Variants in HMGB1 observed in about 807,000 individuals in gnomAD.
The protein encoded by HMGB1 is high mobility group box 1.
For synonymous variants in HMGB1, 81 were observed against 84.0 expected (o/e 0.96, Z 0.19); for missense variants, 79 against 253.5 (o/e 0.31, Z 4.67).
At chr13:30,521,177 T>C (rs1160322821) in intron 1 of HMGB1, among the ~76,000 whole-genome samples, 2 of 152,216 alleles carry the variant, frequency 1.3e-5, no homozygotes, top group African/African-American at 4.8e-5. Flanking sequence ...CCAGTATTAT[T>C]ATCAATGGCC....
At chr13:30,558,257 C>G (rs1869776003) in intron 1 of HMGB1, among the ~76,000 whole-genome samples, 1 of 152,122 alleles carries the variant, frequency 6.6e-6, no homozygotes. Flanking sequence ...CTGATTTCAT[C>G]TTTCAATGGA....
rs1870890391 is a variant in HMGB1 at position 30,581,264 on chromosome 13, T to C, written c.-15+35407A>G. Among the ~76,000 whole-genome samples, 8 of 152,208 alleles carry C rather than the reference T, an allele frequency of 5.3e-5. 1 individual carries two copies. Among genetic ancestry groups the C allele is most frequent in the Admixed American group, 5.2e-4 (8 of 15,286 alleles). On this transcript the variant is annotated intron_variant, in intron 1 of 4. Transcript: ENST00000405805. ...TCTGCTCTAGATCCACTGCATACAG[T>C]GGGCCCTTCTTATCATATTCCATAA...
chr13:30,524,260 C>G (rs1214400957), intron 1 of HMGB1, among the ~76,000 whole-genome samples: 1 of 149,104 alleles, frequency 6.7e-6, no homozygotes, highest in African/African-American at 2.5e-5. Context: ...ATGGGTGCAG[C>G]AAACCACCAT....
chr13:30,589,007 C>CTTTTTTTTTTTTTTTTTTTTTTTT (rs1292576513), intron 1 of HMGB1, among the ~76,000 whole-genome samples: 1 of 141,716 alleles, frequency 7.1e-6, no homozygotes, highest in African/African-American at 2.6e-5. Context: ...TAGTTTACCA[C>CTTTTTTTTTTTTTTTTTTTTTTTT]TTTTTTTTTT....
chr13:30,554,673 G>C (rs1461902249), intron 1 of HMGB1: 1 of 771,376 alleles, frequency 1.3e-6, no homozygotes, highest in Non-Finnish European at 2.4e-6. Flanking sequence ...GTAAATGCAA[G>C]ATACAATGGA....
intron 1 of HMGB1, among the ~76,000 whole-genome samples, chr13:30,519,477 C>T (rs1359606376): frequency 1.4e-4 from 21 of 150,782 alleles, no homozygotes; most frequent in South Asian, 4.2e-4. Flanking sequence ...GGGCGGATCA[C>T]GAGGTCAGGA....
chr13:30,602,210 C>G (rs1034686444), intron 1 of HMGB1, among the ~76,000 whole-genome samples: 2 of 151,408 alleles, frequency 1.3e-5, no homozygotes, highest in African/African-American at 4.9e-5. Flanking sequence ...CCCAGGGACA[C>G]CAGCACCAGC....
chr13:30,556,088 C>T (rs987581547), intron 1 of HMGB1, among the ~76,000 whole-genome samples: 1 of 152,210 alleles, frequency 6.6e-6, no homozygotes, highest in Non-Finnish European at 1.5e-5. Flanking sequence ...ACCAGTATGT[C>T]TTCAAAGAGA....
At chr13:30,479,786 T>C (rs67587035) in intron 1 of HMGB1, among the ~76,000 whole-genome samples, 48,759 of 152,104 alleles carry the variant, frequency 0.32, 8,135 homozygotes, top group East Asian at 0.52. Context: ...CAGCCTACAG[T>C]GTAAATCGCT....
intron 3 of HMGB1, 94 bp from the exon 4 acceptor site, chr13:30,462,806 T>G: frequency 1.1e-6 from 1 of 949,788 alleles, no homozygotes; most frequent in Non-Finnish European, 1.6e-6. Flanking sequence ...AAGCTGCCTG[T>G]GAATTTCTGT....
chr13:30,473,592 T>C (rs936126010), intron 1 of HMGB1, among the ~76,000 whole-genome samples: 5 of 152,124 alleles, frequency 3.3e-5, no homozygotes, highest in African/African-American at 9.7e-5. Flanking sequence ...ATCAAGGAGA[T>C]AGACAGTAGC....
chr13:30,464,211 A>G lies in HMGB1; in HGVS notation c.-14-517T>C, dbSNP rs73451924. On this transcript the variant is annotated intron_variant, in intron 1 of 4. Transcript: ENST00000341423. The stretch of plus-strand genomic sequence containing the variant: ...CCCTCTTTGCATAAAACTTTGCTCC[A>G]AAGAGGGAGCAGCAGCCAGCTCCGG... The G allele has an allele frequency of 0.016, 16,086 of 985,162 alleles. 1,940 individuals are homozygous for G. In the African/African-American group the frequency reaches 0.26, roughly 16 times the overall value. 61.0% of individuals were successfully genotyped at this position (985,162 alleles called of 1,614,324 possible).
chr13:30,568,553 T>C (rs1040657027), intron 1 of HMGB1, among the ~76,000 whole-genome samples: 5 of 152,106 alleles, frequency 3.3e-5, no homozygotes, highest in Admixed American at 2.0e-4. Flanking sequence ...ATAAAGAATC[T>C]TGAGATAAGA....
intron 1 of HMGB1, among the ~76,000 whole-genome samples, chr13:30,472,947 G>C (rs998792533): frequency 4.0e-5 from 6 of 151,486 alleles, no homozygotes; most frequent in Non-Finnish European, 8.8e-5. Flanking sequence ...CTAGAAGCAA[G>C]GATACTGACA....
chr13:30,478,930 G>A (rs1400783751), intron 1 of HMGB1, among the ~76,000 whole-genome samples: 21 of 148,826 alleles, frequency 1.4e-4, no homozygotes, highest in Non-Finnish European at 2.2e-4. Flanking sequence ...GTGCAGTGGC[G>A]CGATCTCAGC....
intron 1 of HMGB1, among the ~76,000 whole-genome samples, chr13:30,591,625 T>C (rs1472915174): frequency 6.6e-6 from 1 of 151,560 alleles, no homozygotes; most frequent in Non-Finnish European, 1.5e-5. Context: ...TTCTCCCACC[T>C]CAGCCTCCTG....
chr13:30,514,842 G>A (rs770954424), intron 1 of HMGB1, among the ~76,000 whole-genome samples: 3 of 152,078 alleles, frequency 2.0e-5, no homozygotes, highest in Non-Finnish European at 4.4e-5. Context: ...ACTGGGATGT[G>A]TATTACACTT....
At chr13:30,495,039 T>C (rs189182361) in intron 1 of HMGB1, among the ~76,000 whole-genome samples, 35 of 152,346 alleles carry the variant, frequency 2.3e-4, no homozygotes, top group African/African-American at 8.2e-4. Flanking sequence ...TATTCCATGG[T>C]ATGCAGAGAC....
chr13:30,531,020 C>T (rs1045463550), intron 1 of HMGB1, among the ~76,000 whole-genome samples: 14 of 152,166 alleles, frequency 9.2e-5, no homozygotes, highest in African/African-American at 3.4e-4. Flanking sequence ...GCACTCCAGA[C>T]CGGGCAAGAG....
Sources: gnomAD v4.1 joint callset for allele counts (sites outside exome capture counted in the v4.1 genomes callset) on GRCh38, gnomAD v4.1.1 for gene constraint, MANE v1.5 for transcripts, NCBI Gene and HGNC (gene_info 2026-07-23, HGNC 2026-07-21) for gene names.